Variants in KHDRBS3 observed in about 807,000 individuals in gnomAD.
KHDRBS3 encodes the protein KH RNA binding domain containing, signal transduction associated 3, also known as KH domain-containing, RNA-binding, signal transduction-associated protein 3.
Under a neutral mutation model 45.6 loss-of-function variants are expected in KHDRBS3, and 23 were observed. The ratio of observed to expected loss-of-function variants is 0.50; its 90% CI spans 0.36 to 0.72. KHDRBS3 has a LOEUF of 0.72. Ranked by LOEUF, KHDRBS3 falls within the 30% of genes least tolerant of loss-of-function variation. The pLI is 0.00. For missense variants in KHDRBS3, 352 were observed against 424.8 expected (o/e 0.83, Z 1.51); for synonymous variants, 162 against 156.5 (o/e 1.04, Z -0.26).
At chr8:135,541,479 T>G (rs1431978717) in intron 2 of KHDRBS3, 1 of 152,244 alleles carries the variant, frequency 6.6e-6, no homozygotes, top group African/African-American at 2.4e-5. Context: ...TGAGTTTTGG[T>G]TGAAGACCAA....
intron 7 of KHDRBS3, among the ~76,000 whole-genome samples, chr8:135,620,134 G>A (rs902968973): frequency 6.0e-5 from 9 of 150,108 alleles, no homozygotes; most frequent in South Asian, 2.1e-4. Flanking sequence ...ATATAGTGGC[G>A]TGATCTCTGC....
At chr8:135,528,088 A>G (rs1825283274) in intron 2 of KHDRBS3, among the ~76,000 whole-genome samples, 1 of 152,140 alleles carries the variant, frequency 6.6e-6, no homozygotes, top group African/African-American at 2.4e-5. Flanking sequence ...TAATTTGATA[A>G]TTGTCCTTTT....
intron 1 of KHDRBS3, among the ~76,000 whole-genome samples, chr8:135,471,205 T>C (rs1176527173): frequency 6.6e-6 from 1 of 152,194 alleles, no homozygotes; most frequent in Non-Finnish European, 1.5e-5. Flanking sequence ...CAATAAAAGG[T>C]CCATGGCAGA....
chr8:135,550,354 T>A (rs919107505), intron 4 of KHDRBS3, among the ~76,000 whole-genome samples: 2 of 152,192 alleles, frequency 1.3e-5, no homozygotes, highest in African/African-American at 4.8e-5. Context: ...TGTTTTATTT[T>A]AAAAATTTTT....
At chr8:135,551,566 A>G (rs898131852) in intron 4 of KHDRBS3, among the ~76,000 whole-genome samples, 3 of 152,132 alleles carry the variant, frequency 2.0e-5, no homozygotes, top group South Asian at 4.1e-4. Context: ...AGTTGATTTC[A>G]GATGTGAAGC....
intron 1 of KHDRBS3, among the ~76,000 whole-genome samples, chr8:135,469,523 G>GTTTTTTTTTT (rs1821889086): frequency 1.7e-4 from 8 of 46,180 alleles, no homozygotes; most frequent in African/African-American, 7.5e-4. Context: ...TTTTGTTTTG[G>GTTTTTTTTTT]TTTTTTTTTT....
chr8:135,584,858 G>C (rs1828387489), intron 6 of KHDRBS3, among the ~76,000 whole-genome samples: 1 of 152,086 alleles, frequency 6.6e-6, no homozygotes, highest in African/African-American at 2.4e-5. Flanking sequence ...AAAACCTAAA[G>C]ATTACTCACC....
intron 7 of KHDRBS3, among the ~76,000 whole-genome samples, chr8:135,630,682 C>T (rs1230223932): frequency 1.3e-5 from 2 of 152,138 alleles, no homozygotes; most frequent in East Asian, 3.9e-4. Flanking sequence ...GACAGCATAT[C>T]ATTGCACTGA....
intron 2 of KHDRBS3, among the ~76,000 whole-genome samples, chr8:135,534,280 G>T (rs1367035042): frequency 6.6e-6 from 1 of 151,598 alleles, no homozygotes; most frequent in Non-Finnish European, 1.5e-5. Flanking sequence ...GTCCTTGTTG[G>T]CCAGTTAGAC....
chr8:135,479,942 T>C (rs577696307), intron 1 of KHDRBS3, among the ~76,000 whole-genome samples: 1 of 151,964 alleles, frequency 6.6e-6, no homozygotes, highest in Non-Finnish European at 1.5e-5. Flanking sequence ...TCAGAACATA[T>C]AAAAATGGAG....
Position 135,595,148 on chromosome 8 carries a change from G to A in KHDRBS3, c.808-11807G>A, listed in dbSNP as rs975010733. On this transcript the variant is annotated intron_variant, in intron 6 of 8. Coordinates refer to ENST00000355849, the MANE Select transcript of KHDRBS3 (RefSeq NM_006558.3). ...TTTCATTTATATAAAGCTCAAAGCC[G>A]GCAAAACTCATTGATGGTGCTGAGA... is the stretch of plus-strand genomic sequence containing the variant. Among the ~76,000 whole-genome samples, 7 of 152,114 alleles carry A rather than the reference G, an allele frequency of 4.6e-5. No homozygotes were observed. In the East Asian group the frequency reaches 5.8e-4, roughly 13 times the overall value.
intron 1 of KHDRBS3, among the ~76,000 whole-genome samples, chr8:135,487,125 A>C (rs1376782552): frequency 6.6e-6 from 1 of 152,120 alleles, no homozygotes; most frequent in African/African-American, 2.4e-5. Flanking sequence ...TTGTTATTTG[A>C]CACCATTTGT....
At chr8:135,528,440 A>G (rs1825303092) in intron 2 of KHDRBS3, among the ~76,000 whole-genome samples, 1 of 152,214 alleles carries the variant, frequency 6.6e-6, no homozygotes, top group South Asian at 2.1e-4. Context: ...TTTTACAGTC[A>G]TAGAGATATG....
At chr8:135,638,828 A>G (rs1042094249) in intron 7 of KHDRBS3, among the ~76,000 whole-genome samples, 8 of 150,822 alleles carry the variant, frequency 5.3e-5, no homozygotes, top group East Asian at 2.0e-4. Context: ...GCACGCGCCT[A>G]TAGTCCCAGC....
chr8:135,553,353 T>A (rs2130815426), intron 4 of KHDRBS3, among the ~76,000 whole-genome samples: 1 of 152,306 alleles, frequency 6.6e-6, no homozygotes, highest in Non-Finnish European at 1.5e-5. Context: ...TTGCTTTTTA[T>A]GGGGGAGGCT....
chr8:135,639,585 G>A (rs1830971764), intron 7 of KHDRBS3, among the ~76,000 whole-genome samples: 1 of 152,162 alleles, frequency 6.6e-6, no homozygotes, highest in Non-Finnish European at 1.5e-5. Flanking sequence ...TTTCCTCTAG[G>A]CCCATTGTAT....
chr8:135,540,488 T>C (rs975625290), intron 2 of KHDRBS3: 1 of 152,238 alleles, frequency 6.6e-6, no homozygotes, highest in Non-Finnish European at 1.5e-5. Context: ...CTCCACACTC[T>C]AGCAAAAGAC....
chr8:135,559,651 A>G (rs1423763678), intron 5 of KHDRBS3, among the ~76,000 whole-genome samples: 1 of 152,126 alleles, frequency 6.6e-6, no homozygotes, highest in Non-Finnish European at 1.5e-5. Context: ...GTGAGCCACC[A>G]TGCCCGGCCA....
At chr8:135,486,593 A>T (rs1473208331) in intron 1 of KHDRBS3, among the ~76,000 whole-genome samples, 1 of 152,240 alleles carries the variant, frequency 6.6e-6, no homozygotes, top group East Asian at 1.9e-4. Context: ...ACTATTTTCA[A>T]TCCCAGGTGT....
Sources: allele counts gnomAD v4.1 joint callset (sites outside exome capture counted in the v4.1 genomes callset), GRCh38; gene constraint gnomAD v4.1.1; transcripts MANE v1.5; gene names NCBI Gene and HGNC (gene_info 2026-07-23, HGNC 2026-07-21).